The following GARNL3 variants were observed in gnomAD, a reference collection of about 807,000 sequenced individuals.
The protein encoded by GARNL3 is GTPase activating Rap/RanGAP domain like 3.
GARNL3 carries 63 observed loss-of-function variants against 125.0 expected under a neutral mutation model. That is an observed-to-expected ratio of 0.50 (90% confidence interval 0.41 to 0.62). GARNL3 has a LOEUF of 0.62. Ranked by LOEUF, GARNL3 falls within the 20% of genes least tolerant of loss-of-function variation. The pLI is 0.00. For synonymous variants in GARNL3, 439 were observed against 457.5 expected (o/e 0.96, Z 0.52); for missense variants, 994 against 1,244.0 (o/e 0.80, Z 3.02).
chr9:127,353,627 A>G (rs1830526102), intron 17 of GARNL3: 1 of 533,232 alleles, frequency 1.9e-6, no homozygotes. Flanking sequence ...AGTTCGGGAT[A>G]TAGAATTGCC....
At chr9:127,315,663 TA>T (rs368501115) in intron 4 of GARNL3, among the ~76,000 whole-genome samples, 316 of 133,618 alleles carry the variant, frequency 2.4e-3, no homozygotes, top group African/African-American at 5.5e-3. Flanking sequence ...GTAAGAAAGA[TA>T]AAAAAAAAAA....
chr9:127,238,029 C>G (rs2063142591), intron 1 of GARNL3, among the ~76,000 whole-genome samples: 1 of 152,202 alleles, frequency 6.6e-6, no homozygotes, highest in South Asian at 2.1e-4. Flanking sequence ...CTGACTAAAG[C>G]CAGCAGTGAC....
At chr9:127,378,325 C>T (rs935604089) in intron 22 of GARNL3, among the ~76,000 whole-genome samples, 4 of 151,684 alleles carry the variant, frequency 2.6e-5, no homozygotes, top group East Asian at 1.9e-4. Flanking sequence ...ACCATGGTCA[C>T]GCCTGTAATC....
intron 7 of GARNL3, among the ~76,000 whole-genome samples, chr9:127,327,346 A>T (rs897285976): frequency 7.2e-5 from 11 of 152,210 alleles, no homozygotes; most frequent in Non-Finnish European, 1.2e-4. Flanking sequence ...GAAGAAAGTA[A>T]TGCACAGAGG....
At chr9:127,237,657 G>T (rs1490741465) in intron 1 of GARNL3, among the ~76,000 whole-genome samples, 1 of 152,230 alleles carries the variant, frequency 6.6e-6, no homozygotes, top group Non-Finnish European at 1.5e-5. Flanking sequence ...TGGGTGTGCT[G>T]TTGCATAGCT....
At chr9:127,228,004 A>T (rs2131122075) in intron 1 of GARNL3, among the ~76,000 whole-genome samples, 1 of 152,356 alleles carries the variant, frequency 6.6e-6, no homozygotes, top group Admixed American at 6.5e-5. Flanking sequence ...TTAAATGTTT[A>T]TTTACCCATA....
rs2064405509 is a variant in GARNL3, at chr9:127,291,238, A to G, written c.215A>G (p.Asp72Gly). The change falls in exon 2 of 28, where the codon GAT becomes GGT. Residue 72 changes from aspartate to glycine, a missense_variant. This residue lies in a region of GARNL3 where 139 missense variants were observed against 231.6 expected (regional missense o/e 0.60). Transcript: ENST00000373387. ...GRFRVENGSSDENATALPGTW... is the reference protein window; with the variant it reads ...GRFRVENGSSGENATALPGTW... Reference sequence around the variant, plus strand: ...TTCAGAGTGGAAAATGGCTCTTCAGATGAGGTAAGGAAGCCTCCCCACTTC... The same window carrying G: ...TTCAGAGTGGAAAATGGCTCTTCAGGTGAGGTAAGGAAGCCTCCCCACTTC... 9 of 1,613,866 alleles carry G rather than the reference A, an allele frequency of 5.6e-6. No homozygotes were observed. The highest frequency in any genetic ancestry group is 7.6e-6 in the Non-Finnish European group (9 of 1,179,806).
At chr9:127,275,579 C>T (rs573530932) in intron 1 of GARNL3, among the ~76,000 whole-genome samples, 15 of 152,288 alleles carry the variant, frequency 9.8e-5, no homozygotes, top group African/African-American at 3.4e-4. Context: ...GAGCTTTTGG[C>T]CCTGTTTGTT....
chr9:127,246,833 A>AG (rs2063312761), intron 2 of GARNL3, among the ~76,000 whole-genome samples: 1 of 152,066 alleles, frequency 6.6e-6, no homozygotes. Context: ...TCAGGGCTGA[A>AG]GAAGGGTACA....
Position 127,369,827 on chromosome 9 carries a change from T to C in GARNL3, c.2161+4461T>C, listed in dbSNP as rs1183318896. ...TGAAGTGTGGGATAAATAGTAAGTT[T>C]GTAAGGCCATGGGGGAAGCTCCAAT... On this transcript the variant is annotated intron_variant, in intron 22 of 27. Transcript: ENST00000373387. 6.6e-5 allele frequency among the ~76,000 whole-genome samples: 10 copies of C among 152,014 alleles called. 1 individual carries two copies. Among genetic ancestry groups the C allele is most frequent in the Admixed American group, 6.5e-4 (10 of 15,268 alleles).
intron 22 of GARNL3, among the ~76,000 whole-genome samples, chr9:127,366,242 T>C (rs902028426): frequency 6.6e-6 from 1 of 152,244 alleles, no homozygotes; most frequent in Non-Finnish European, 1.5e-5. Context: ...GGTTGTTTTA[T>C]AAACATCATC....
At chr9:127,317,586 G>A (rs564943333) in intron 4 of GARNL3, among the ~76,000 whole-genome samples, 3 of 151,926 alleles carry the variant, frequency 2.0e-5, no homozygotes, top group Non-Finnish European at 4.4e-5. Context: ...GCATGGTGGT[G>A]CATGCCTGTA....
At chr9:127,245,906 A>T (rs2063294144) in intron 2 of GARNL3, among the ~76,000 whole-genome samples, 1 of 151,884 alleles carries the variant, frequency 6.6e-6, no homozygotes, top group Admixed American at 6.6e-5. Flanking sequence ...TCAGGAGTGC[A>T]ATCAGGAGAA....
intron 4 of GARNL3, among the ~76,000 whole-genome samples, chr9:127,314,932 G>A (rs1302843958): frequency 6.6e-6 from 1 of 152,170 alleles, no homozygotes; most frequent in Non-Finnish European, 1.5e-5. Flanking sequence ...GAGTAGAAGG[G>A]GAATCAGAGA....
chr9:127,239,291 C>T (rs1333052100), intron 1 of GARNL3, among the ~76,000 whole-genome samples: 1 of 152,152 alleles, frequency 6.6e-6, no homozygotes, highest in Non-Finnish European at 1.5e-5. Flanking sequence ...CAGAAGGTCA[C>T]CCTTTCTCAT....
chr9:127,341,921 A>G (rs1457659776), intron 13 of GARNL3, among the ~76,000 whole-genome samples: 6 of 152,170 alleles, frequency 3.9e-5, no homozygotes, highest in African/African-American at 1.4e-4. Context: ...CGCTGAGAGG[A>G]CAGGTAGCAG....
At chr9:127,261,352 T>C (rs2063585357), upstream of GARNL3, among the ~76,000 whole-genome samples, 1 of 151,464 alleles carries the variant, frequency 6.6e-6, no homozygotes, top group African/African-American at 2.4e-5. Context: ...CCATTGCAGC[T>C]GGCAGATAAG....
chr9:127,341,322 C>T (rs142029132), intron 13 of GARNL3, among the ~76,000 whole-genome samples: 102 of 152,320 alleles, frequency 6.7e-4, no homozygotes, highest in African/African-American at 2.2e-3. Flanking sequence ...GCAAGTGAGG[C>T]GGGCTGAGTG....
At chr9:127,338,092 T>C in intron 11 of GARNL3, 24 bp from the exon 12 acceptor site, 2 of 1,578,566 alleles carry the variant, frequency 1.3e-6, no homozygotes, top group Non-Finnish European at 1.7e-6. Flanking sequence ...GTGTTGTGAT[T>C]AGTTCCCTTA....
Sources: allele counts gnomAD v4.1 joint callset (sites outside exome capture counted in the v4.1 genomes callset), GRCh38; gene constraint gnomAD v4.1.1; regional missense constraint gnomAD v4.1.1; transcripts MANE v1.5; gene names NCBI Gene and HGNC (gene_info 2026-07-23, HGNC 2026-07-21).